The following DIAPH3 variants were observed in gnomAD, a reference collection of about 807,000 sequenced individuals.
The protein encoded by DIAPH3 is diaphanous related formin 3.
DIAPH3 carries 117 observed loss-of-function variants against 144.3 expected under a neutral mutation model. That is an observed-to-expected ratio of 0.81 (90% confidence interval 0.70 to 0.95). DIAPH3 has a LOEUF of 0.95. Among genes scored for constraint, DIAPH3 ranks in the 40% least tolerant of loss-of-function variants. The pLI, the probability that DIAPH3 is intolerant of heterozygous loss-of-function variation, is 0.00. For synonymous variants in DIAPH3, 519 were observed against 488.9 expected (o/e 1.06, Z -0.81); for missense variants, 1,421 against 1,412.7 (o/e 1.01, Z -0.09).
At chr13:59,807,450 C>T (rs1017839826) in intron 25 of DIAPH3, among the ~76,000 whole-genome samples, 8 of 151,902 alleles carry the variant, frequency 5.3e-5, no homozygotes, top group Non-Finnish European at 1.0e-4. Context: ...CAAATGAGTT[C>T]GATTACATCT....
At chr13:60,003,720 C>A (rs2052674157) in intron 9 of DIAPH3, among the ~76,000 whole-genome samples, 1 of 151,868 alleles carries the variant, frequency 6.6e-6, no homozygotes, top group Admixed American at 6.6e-5. Context: ...ACTATAGGCA[C>A]CCACCAACAC....
intron 3 of DIAPH3, among the ~76,000 whole-genome samples, chr13:60,095,909 C>G (rs1180352968): frequency 6.6e-6 from 1 of 152,044 alleles, no homozygotes; most frequent in Non-Finnish European, 1.5e-5. Context: ...TCTGAATCCC[C>G]AAAATAGCAC....
At chr13:60,011,411 A>G (rs559695807) in intron 7 of DIAPH3, among the ~76,000 whole-genome samples, 1 of 152,346 alleles carries the variant, frequency 6.6e-6, no homozygotes, top group Admixed American at 6.5e-5. Context: ...AACACTGTCC[A>G]AGAGAAATAT....
At chr13:59,699,746 A>G (rs2033999066) in intron 27 of DIAPH3, among the ~76,000 whole-genome samples, 2 of 152,280 alleles carry the variant, frequency 1.3e-5, no homozygotes, top group Non-Finnish European at 2.9e-5. Flanking sequence ...ATAGGCTTAC[A>G]TGGATTTTCT....
chr13:59,855,629 C>T (rs2043212926), intron 22 of DIAPH3, among the ~76,000 whole-genome samples: 1 of 151,444 alleles, frequency 6.6e-6, no homozygotes, highest in Non-Finnish European at 1.5e-5. Context: ...CATTAGGAGT[C>T]ATAAGCTGGC....
At chr13:59,697,080 A>G (rs969837533) in intron 27 of DIAPH3, among the ~76,000 whole-genome samples, 1 of 152,068 alleles carries the variant, frequency 6.6e-6, no homozygotes, top group African/African-American at 2.4e-5. Flanking sequence ...CAGAAATTCC[A>G]GCCTGAAATA....
At chr13:60,000,536 A>T (rs1218229921) in intron 9 of DIAPH3, among the ~76,000 whole-genome samples, 2 of 152,160 alleles carry the variant, frequency 1.3e-5, no homozygotes, top group Admixed American at 1.3e-4. Flanking sequence ...CCACAGAAGG[A>T]CAACATAAAC....
intron 22 of DIAPH3, among the ~76,000 whole-genome samples, chr13:59,840,323 G>T (rs537044183): frequency 2.6e-5 from 4 of 152,056 alleles, no homozygotes; most frequent in Non-Finnish European, 4.4e-5. Context: ...GTAATTCAAG[G>T]TAATCTGCCA....
At chr13:59,927,851 A>T (rs764188808) in intron 17 of DIAPH3, among the ~76,000 whole-genome samples, 2 of 152,166 alleles carry the variant, frequency 1.3e-5, no homozygotes, top group Admixed American at 6.5e-5. Context: ...TGAATATAAT[A>T]TGTCTCACAG....
Position 59,916,262 on chromosome 13 carries a change from AAGAG to A in DIAPH3, c.2171-17_2171-14del, listed in dbSNP as rs779430190. 8 of 1,599,772 alleles carry A rather than the reference AAGAG, an allele frequency of 5.0e-6. No homozygotes were observed. The highest frequency in any genetic ancestry group is 6.9e-6 in the Non-Finnish European group (8 of 1,167,342). On this transcript the variant is annotated splice_polypyrimidine_tract_variant and intron_variant, in intron 18 of 27. Coordinates refer to ENST00000400324, the MANE Select transcript of DIAPH3 (RefSeq NM_001042517.2). Reference sequence around the variant, plus strand: ...CTCAGGAAGATTGCTAAGAAGGAGAAAGAGAGAAAGGTTTATAATGAATAAGGTT... The same window carrying A: ...CTCAGGAAGATTGCTAAGAAGGAGAAAGAAAGGTTTATAATGAATAAGGTT...
chr13:59,821,080 C>T (rs1215955372), intron 24 of DIAPH3, among the ~76,000 whole-genome samples: 1 of 151,924 alleles, frequency 6.6e-6, no homozygotes, highest in African/African-American at 2.4e-5. Flanking sequence ...GATACTCAAG[C>T]AATACAAGTC....
chr13:60,109,308 T>C (rs2058503167), intron 3 of DIAPH3, among the ~76,000 whole-genome samples: 1 of 152,214 alleles, frequency 6.6e-6, no homozygotes, highest in Admixed American at 6.5e-5. Context: ...AAATGTGTGT[T>C]GCTTTAAATC....
At chr13:59,860,844 G>A (rs184599487) in intron 22 of DIAPH3, among the ~76,000 whole-genome samples, 8 of 152,214 alleles carry the variant, frequency 5.3e-5, no homozygotes, top group South Asian at 4.1e-4. Context: ...AGCTCTATCC[G>A]TTCTATGACC....
chr13:59,903,346 T>C (rs1195573809), intron 20 of DIAPH3, among the ~76,000 whole-genome samples: 1 of 152,170 alleles, frequency 6.6e-6, no homozygotes, highest in Non-Finnish European at 1.5e-5. Flanking sequence ...TCCTTTCAGT[T>C]TCCTCACCTA....
intron 27 of DIAPH3, among the ~76,000 whole-genome samples, chr13:59,717,248 A>T (rs1038812054): frequency 2.5e-4 from 38 of 152,238 alleles, no homozygotes; most frequent in African/African-American, 8.9e-4. Context: ...CAGCAGTTAA[A>T]TTTTTAAATA....
At chr13:59,912,653 C>A (rs750837345) in intron 19 of DIAPH3, among the ~76,000 whole-genome samples, 15 of 152,222 alleles carry the variant, frequency 9.9e-5, no homozygotes, top group Middle Eastern at 3.4e-3. Context: ...GAAGTTAGTG[C>A]ATTGATATTA....
At chr13:60,029,997 C>T (rs952302159) in intron 5 of DIAPH3, among the ~76,000 whole-genome samples, 7 of 152,192 alleles carry the variant, frequency 4.6e-5, no homozygotes, top group African/African-American at 1.7e-4. Context: ...CTCTGCCACA[C>T]GGTTTTTCCA....
chr13:60,159,330 G>A (rs1406389410), intron 1 of DIAPH3, among the ~76,000 whole-genome samples: 1 of 152,134 alleles, frequency 6.6e-6, no homozygotes. Context: ...CAGTGATTAA[G>A]AATGTGTATT....
intron 1 of DIAPH3, among the ~76,000 whole-genome samples, chr13:60,143,307 C>A (rs191086408): frequency 6.6e-5 from 10 of 152,282 alleles, no homozygotes; most frequent in African/African-American, 2.4e-4. Flanking sequence ...CAGAGGTGAA[C>A]AGCCTCGGCT....
Sources: allele counts gnomAD v4.1 joint callset (sites outside exome capture counted in the v4.1 genomes callset), GRCh38; gene constraint gnomAD v4.1.1; transcripts MANE v1.5; gene names NCBI Gene and HGNC (gene_info 2026-07-23, HGNC 2026-07-21).